The following MYO5A variants were observed in gnomAD, a reference collection of about 807,000 sequenced individuals.
MYO5A encodes unconventional myosin-Va.
MYO5A carries 98 observed loss-of-function variants against 249.7 expected under a neutral mutation model. That is an observed-to-expected ratio of 0.39 (90% CI 0.33 to 0.46). The LOEUF (loss-of-function observed/expected upper bound fraction) is 0.46. Ranked by LOEUF, MYO5A falls within the 20% of genes least tolerant of loss-of-function variation. The pLI is 0.98. For synonymous variants in MYO5A, 778 were observed against 810.6 expected (o/e 0.96, Z 0.68); for missense variants, 1,696 against 2,308.8 (o/e 0.73, Z 5.44).
At chr15:52,453,756 CTT>C (rs938140345) in intron 1 of MYO5A, among the ~76,000 whole-genome samples, 1 of 151,996 alleles carries the variant, frequency 6.6e-6, no homozygotes, top group Non-Finnish European at 1.5e-5. Context: ...GCATTTCTGT[CTT>C]GTCTTTGTGA....
At chr15:52,418,817 T>C (rs1428078840) in intron 4 of MYO5A, among the ~76,000 whole-genome samples, 2 of 152,078 alleles carry the variant, frequency 1.3e-5, no homozygotes, top group Non-Finnish European at 2.9e-5. Flanking sequence ...CCTCTTATGG[T>C]CATCAGTGAC....
At chr15:52,366,315 C>T (rs2141069446) in intron 23 of MYO5A, among the ~76,000 whole-genome samples, 1 of 152,114 alleles carries the variant, frequency 6.6e-6, no homozygotes, top group African/African-American at 2.4e-5. Context: ...AATCTTAGAA[C>T]ATTTTTGCCT....
chr15:52,426,561 T>C (rs145298517), intron 3 of MYO5A, among the ~76,000 whole-genome samples: 137 of 152,238 alleles, frequency 9.0e-4, no homozygotes, highest in African/African-American at 3.1e-3. Context: ...CTCCCAGGCT[T>C]ACGAAATCCT....
rs567283186 is a variant in MYO5A at position 52,307,685 on chromosome 15, A to C, written c.*6011T>G. The C allele has an allele frequency of 2.0e-5, 3 of 152,160 alleles. No individual in the cohort carries two copies. The highest frequency in any genetic ancestry group is 7.2e-5 in the African/African-American group (3 of 41,452). The allele number at this position is 152,160 out of a possible 1,614,324, so 9.4% of individuals were successfully genotyped here. A position where few individuals can be genotyped will look rare whatever the true frequency, so the allele number is the denominator to read the frequency against. On this transcript the variant is annotated 3_prime_UTR_variant, in exon 42 of 42. Coordinates refer to ENST00000399233, the MANE Select transcript of MYO5A (RefSeq NM_001382347.1). The stretch of plus-strand genomic sequence containing the variant: ...AAGTAGAATTCCTTTTCCAGACCCA[A>C]CAAGGAAAAATATTTGAAAACTGCA...
chr15:52,438,955 C>T (rs1472625632), intron 1 of MYO5A, among the ~76,000 whole-genome samples: 1 of 152,226 alleles, frequency 6.6e-6, no homozygotes, highest in East Asian at 1.9e-4. Context: ...TCCAGCTAGG[C>T]GCCCACTGCT....
intron 24 of MYO5A, among the ~76,000 whole-genome samples, chr15:52,361,643 A>T (rs2040533058): frequency 6.6e-6 from 1 of 152,142 alleles, no homozygotes; most frequent in Non-Finnish European, 1.5e-5. Flanking sequence ...TGTGGAAGTA[A>T]AGAGTTTGGC....
At position 52,493,347 on chromosome 15, in the gene MYO5A, G is replaced by C. The variant is rs142864414; in HGVS notation, c.27+35433C>G. On this transcript the variant is annotated intron_variant, in intron 1 of 41. Coordinates refer to ENST00000399233, the MANE Select transcript of MYO5A (RefSeq NM_001382347.1). ...CCATAGCACATTAACAAAGAATGGA[G>C]AATGTTTCTTCCATTTCAAAAATTT... is the stretch of plus-strand genomic sequence containing the variant. 2.5e-3 allele frequency among the ~76,000 whole-genome samples: 380 copies of C among 152,296 alleles called. 3 individuals are homozygous for C. The highest frequency in any genetic ancestry group is 8.6e-3 in the African/African-American group (357 of 41,566).
Position 52,528,792 on chromosome 15 carries a change from C to T in MYO5A, c.15G>A (p.Glu5=). 6.7e-7 allele frequency: 1 copy of T among 1,499,116 alleles called. No individual in the cohort carries two copies. The highest frequency in any genetic ancestry group is 8.8e-7 in the Non-Finnish European group (1 of 1,130,572). The allele number at this position is 1,499,116 out of a possible 1,614,324, so 92.9% of individuals were successfully genotyped here. A position where few individuals can be genotyped will look rare whatever the true frequency, so the allele number is the denominator to read the frequency against. ...CGGGGTGCCTTACCTTTGTGTAGAG[C>T]TCCGACGCAGCCATGGCGGGCCCCG... MAAS[E]LYTKFARVWI... The change falls in exon 1 of 42, where the codon GAG becomes GAA. Residue 5 remains glutamate (E), a synonymous_variant. Coordinates refer to ENST00000399233, the MANE Select transcript of MYO5A (RefSeq NM_001382347.1).
At chr15:52,412,463 G>C (rs2043293076) in intron 5 of MYO5A, among the ~76,000 whole-genome samples, 1 of 152,208 alleles carries the variant, frequency 6.6e-6, no homozygotes, top group African/African-American at 2.4e-5. Flanking sequence ...TATCAGACCA[G>C]GCCCTATTAT....
At chr15:52,433,999 CTTTTTTT>C (rs398043307) in intron 1 of MYO5A, among the ~76,000 whole-genome samples, 31 of 127,308 alleles carry the variant, frequency 2.4e-4, no homozygotes, top group African/African-American at 7.4e-4. Flanking sequence ...CTTTCTTTTT[CTTTTTTT>C]TTTTTTTTTT....
At chr15:52,457,413 CCT>C (rs1039169701) in intron 1 of MYO5A, among the ~76,000 whole-genome samples, 2 of 142,924 alleles carry the variant, frequency 1.4e-5, no homozygotes, top group Non-Finnish European at 3.1e-5. Flanking sequence ...AGAGTGAGAC[CCT>C]GTCTCAAAAA....
chr15:52,505,809 T>C (rs1019687251), intron 1 of MYO5A: 3 of 1,593,796 alleles, frequency 1.9e-6, no homozygotes, highest in Non-Finnish European at 1.7e-6. Flanking sequence ...AGCAGATCAC[T>C]GCGTTTGAGG....
chr15:52,371,803 G>A (rs1047733945), intron 21 of MYO5A, among the ~76,000 whole-genome samples: 6 of 151,850 alleles, frequency 4.0e-5, no homozygotes, highest in African/African-American at 1.4e-4. Context: ...CCAGCAGGTT[G>A]AGGCTGCAGT....
At chr15:52,490,453 T>G (rs918648000) in intron 1 of MYO5A, among the ~76,000 whole-genome samples, 1 of 152,052 alleles carries the variant, frequency 6.6e-6, no homozygotes, top group Non-Finnish European at 1.5e-5. Context: ...GGATGAACCT[T>G]GAGGAAATTC....
intron 36 of MYO5A, among the ~76,000 whole-genome samples, chr15:52,325,858 T>C (rs909597613): frequency 4.1e-4 from 62 of 152,236 alleles, no homozygotes; most frequent in African/African-American, 1.4e-3. Context: ...ACTCTTTACC[T>C]AAGAGGTTAC....
intron 27 of MYO5A, 87 bp downstream of exon 27, chr15:52,353,518 G>C: frequency 8.9e-7 from 1 of 1,119,820 alleles, no homozygotes; most frequent in South Asian, 1.2e-5. Context: ...CAACCCTTAA[G>C]GATGTTCTCT....
rs756697509 is a variant in MYO5A, at chr15:52,396,382, C to T, written c.1335G>A (p.Glu445=). The part of the protein sequence containing the change: ...VLDIYGFETF[E]INSFEQFCIN... ...TGCAAAACTGTTCAAAACTATTTAT[C>T]TCAAATGTTTCAAATCTGTAACCAC... Residue 445 remains glutamate, a synonymous_variant, in exon 11 of 42, where the codon GAG becomes GAA. Transcript: ENST00000399233. 6.4e-7 allele frequency: 1 copy of T among 1,563,760 alleles called. No homozygotes were observed. Among genetic ancestry groups the T allele is most frequent in the Admixed American group, 1.7e-5 (1 of 58,832 alleles).
At chr15:52,449,396 T>G (rs1041416215) in intron 1 of MYO5A, among the ~76,000 whole-genome samples, 3 of 152,222 alleles carry the variant, frequency 2.0e-5, no homozygotes, top group African/African-American at 7.2e-5. Context: ...TTCAACCCTC[T>G]TAACAACTGC....
intron 1 of MYO5A, among the ~76,000 whole-genome samples, chr15:52,434,979 A>G (rs955941570): frequency 6.6e-6 from 1 of 152,166 alleles, no homozygotes; most frequent in Admixed American, 6.5e-5. Context: ...GAGCTTTGAG[A>G]AGGAGCATTT....
Sources: gnomAD v4.1 joint callset for allele counts (sites outside exome capture counted in the v4.1 genomes callset) on GRCh38, gnomAD v4.1.1 for gene constraint, MANE v1.5 for transcripts, NCBI Gene and HGNC (gene_info 2026-07-23, HGNC 2026-07-21) for gene names.